ACLY: variants seen among roughly 807,000 people sequenced by gnomAD.
ACLY encodes ATP-citrate synthase.
A neutral mutation model predicts 133.0 loss-of-function variants in ACLY; 41 were observed. That is an observed-to-expected ratio of 0.31 (90% CI 0.24 to 0.40). The LOEUF (loss-of-function observed/expected upper bound fraction) is 0.40, where lower values mean the gene tolerates loss of function less well. Among genes scored for constraint, ACLY ranks in the 10% least tolerant of loss-of-function variants. The pLI is 1.00. For missense variants in ACLY, 1,046 were observed against 1,453.8 expected (o/e 0.72, Z 4.56); for synonymous variants, 495 against 549.3 (o/e 0.90, Z 1.38).
At chr17:41,878,658 A>T in intron 21 of ACLY, 139 bp downstream of exon 21, 1 of 1,059,826 alleles carries the variant, frequency 9.4e-7, no homozygotes, top group Non-Finnish European at 1.4e-6. Flanking sequence ...GAGAAAGAGG[A>T]TTTTGAACCA....
chr17:41,885,031 G>A (rs572659747), intron 18 of ACLY, among the ~76,000 whole-genome samples: 75 of 152,032 alleles, frequency 4.9e-4, no homozygotes, highest in African/African-American at 1.7e-3. Context: ...CACCACATCC[G>A]GCTAATTTTT....
rs1461950178 is a variant in ACLY at position 41,876,542 on chromosome 17, G to A, written c.2487+1561C>T. Among the ~76,000 whole-genome samples the A allele has an allele frequency of 5.9e-5, 9 of 152,340 alleles. No homozygotes were observed. The East Asian group carries it at 1.7e-3, about 29-fold the overall frequency. ...TCTGTGTAGAAAGAAGTAGACATGG[G>A]AGACTTTTCATTTTGTTCTGTACTA... On this transcript the variant is annotated intron_variant, in intron 22 of 28. Transcript: ENST00000352035.
chr17:41,929,765 G>GT (rs1217846186), intron 1 of ACLY, among the ~76,000 whole-genome samples: 1 of 151,976 alleles, frequency 6.6e-6, no homozygotes, highest in Admixed American at 6.6e-5. Context: ...TCTCCCAATG[G>GT]TAACATCCTT....
chr17:41,920,952 C>G (rs1024076606), upstream of ACLY, among the ~76,000 whole-genome samples: 1 of 152,034 alleles, frequency 6.6e-6, no homozygotes, highest in Non-Finnish European at 1.5e-5. Flanking sequence ...ATCCCAGCTA[C>G]TCAGGAGGCT....
intron 14 of ACLY, among the ~76,000 whole-genome samples, chr17:41,894,135 C>T (rs1320794503): frequency 3.3e-5 from 5 of 150,142 alleles, no homozygotes; most frequent in South Asian, 2.1e-4. Context: ...GAGAATCGCT[C>T]GAACCCGGGA....
intron 7 of ACLY, 66 bp from the exon 8 acceptor site, chr17:41,906,712 ACCCCTCCCCGCTTTC>A: frequency 2.1e-6 from 3 of 1,414,928 alleles, no homozygotes; most frequent in Non-Finnish European, 3.0e-6. Flanking sequence ...AGATCCTAGG[ACCCCTCCCCGCTTTC>A]CCTGGAAGCA....
intron 17 of ACLY, among the ~76,000 whole-genome samples, chr17:41,886,754 C>T (rs1352447559): frequency 6.6e-6 from 1 of 151,916 alleles, no homozygotes; most frequent in Non-Finnish European, 1.5e-5. Flanking sequence ...GTTATAACTG[C>T]ACCTGTGAAA....
intron 15 of ACLY, 58 bp downstream of exon 15, chr17:41,892,975 A>T (rs1310163412): frequency 1.3e-5 from 20 of 1,578,810 alleles, no homozygotes; most frequent in Non-Finnish European, 1.6e-5. Flanking sequence ...CACTGTGCCC[A>T]GCCCCAAGCT....
Position 41,886,328 on chromosome 17 carries a change from A to G in ACLY, c.1876-20T>C. On this transcript the variant is annotated intron_variant, in intron 17 of 28. Transcript: ENST00000352035. ...TCCAACCTGTGGGGGCAGAAACCAC[A>G]ATCAGGGAGGAAGGTGACTTCCAGA... The G allele has an allele frequency of 6.3e-7, 1 of 1,586,112 alleles. No individual in the cohort carries two copies. Among genetic ancestry groups the G allele is most frequent in the Non-Finnish European group, 8.6e-7 (1 of 1,160,904 alleles).
intron 1 of ACLY, among the ~76,000 whole-genome samples, 186 bp downstream of exon 1, chr17:41,918,694 G>A (rs12952040): frequency 0.091 from 13,837 of 152,156 alleles, 792 homozygotes; most frequent in Non-Finnish European, 0.12. Flanking sequence ...GAGGGGCGTC[G>A]ACACGCGGCC....
chr17:41,908,910 T>C (rs1274941266), intron 6 of ACLY, 79 bp downstream of exon 6: 32 of 1,209,430 alleles, frequency 2.6e-5, no homozygotes, highest in Middle Eastern at 4.8e-4. Context: ...AGTGGGAGTC[T>C]GGTTCTCTGA....
At chr17:41,901,951 C>A (rs3816121) in intron 10 of ACLY, 138 bp from the exon 11 acceptor site, 480,416 of 644,562 alleles carry the variant, frequency 0.75, 182,998 homozygotes, top group Admixed American at 0.85. Context: ...TAAGCAGCCA[C>A]GGCCTGGGAT....
upstream of ACLY, chr17:41,918,974 G>C (rs568070855): frequency 5.4e-6 from 7 of 1,288,796 alleles, no homozygotes; most frequent in Middle Eastern, 2.1e-4. Context: ...CCCGGGATCC[G>C]GCTTTTGTCC....
upstream of ACLY, among the ~76,000 whole-genome samples, chr17:41,923,442 C>T (rs2050205359): frequency 2.0e-5 from 3 of 152,340 alleles, no homozygotes; most frequent in South Asian, 6.2e-4. Context: ...GCCACTTGAG[C>T]TAACTAAGTG....
At chr17:41,900,002 G>A (rs543806506) in intron 11 of ACLY, among the ~76,000 whole-genome samples, 1 of 148,186 alleles carries the variant, frequency 6.7e-6, no homozygotes, top group South Asian at 2.2e-4. Context: ...CTGGGAGGCA[G>A]AGGTTGCAGT....
intron 22 of ACLY, among the ~76,000 whole-genome samples, chr17:41,875,472 C>T (rs1464709234): frequency 4.6e-5 from 7 of 151,570 alleles, no homozygotes; most frequent in East Asian, 1.9e-4. Context: ...CCTCTCCCCA[C>T]GGTCTCCCTC....
intron 22 of ACLY, 32 bp from the exon 23 acceptor site, chr17:41,873,997 C>T (rs1555625569): frequency 7.7e-6 from 12 of 1,557,688 alleles, no homozygotes; most frequent in Middle Eastern, 2.0e-4. Context: ...GGAAGCAGGG[C>T]CCTGGTGACC....
At chr17:41,877,045 A>G (rs117537796) in intron 22 of ACLY, among the ~76,000 whole-genome samples, 6 of 152,252 alleles carry the variant, frequency 3.9e-5, no homozygotes, top group African/African-American at 1.2e-4. Context: ...ATTTAGTCCA[A>G]TCCTATTTCT....
chr17:41,909,135 C>A (rs1555633190), intron 5 of ACLY, 67 bp from the exon 6 acceptor site: 8 of 1,272,212 alleles, frequency 6.3e-6, no homozygotes, highest in Non-Finnish European at 9.1e-6. Context: ...CCCCAGGCGC[C>A]CCGCAGCAAT....
Sources: gnomAD v4.1 joint callset for allele counts (sites outside exome capture counted in the v4.1 genomes callset) on GRCh38, gnomAD v4.1.1 for gene constraint, MANE v1.5 for transcripts, NCBI Gene and HGNC (gene_info 2026-07-23, HGNC 2026-07-21) for gene names.